ZNF679: variants seen among roughly 807,000 people sequenced by gnomAD.
ZNF679 encodes the protein hypothetical protein MGC42415.
ZNF679 carries 10 observed loss-of-function variants against 13.4 expected under a neutral mutation model. The ratio of observed to expected loss-of-function variants is 0.75; its 90% CI spans 0.46 to 1.27. The LOEUF (loss-of-function observed/expected upper bound fraction) is 1.27. ZNF679 is among the 50% of genes most tolerant of loss of function. The pLI is 0.00. For missense variants in ZNF679, 525 were observed against 477.8 expected (o/e 1.10, Z -0.92); for synonymous variants, 179 against 162.5 (o/e 1.10, Z -0.77).
intron 1 of ZNF679, among the ~76,000 whole-genome samples, chr7:64,233,271 A>G (rs1787664871): frequency 6.6e-6 from 1 of 151,596 alleles, no homozygotes; most frequent in African/African-American, 2.4e-5. Context: ...AAAAAAAAGA[A>G]AGAAAGAAAT....
At chr7:64,239,115 G>T (rs1168456737) in intron 1 of ZNF679, among the ~76,000 whole-genome samples, 1 of 152,146 alleles carries the variant, frequency 6.6e-6, no homozygotes, top group Admixed American at 6.5e-5. Flanking sequence ...AGTAGTAATT[G>T]TCACATGCCC....
At chr7:64,230,090 A>C (rs1244779960) in intron 1 of ZNF679, among the ~76,000 whole-genome samples, 2 of 152,176 alleles carry the variant, frequency 1.3e-5, no homozygotes, top group African/African-American at 2.4e-5. Flanking sequence ...TACTGGAAGC[A>C]GGACCCAGGC....
At chr7:64,237,455 A>C (rs991946361) in intron 1 of ZNF679, among the ~76,000 whole-genome samples, 14 of 152,308 alleles carry the variant, frequency 9.2e-5, no homozygotes, top group African/African-American at 3.4e-4. Flanking sequence ...CGGATGAGAC[A>C]TGGAATCACA....
chr7:64,236,308 T>C (rs1052274128), intron 1 of ZNF679, among the ~76,000 whole-genome samples: 9 of 152,068 alleles, frequency 5.9e-5, no homozygotes, highest in African/African-American at 1.4e-4. Flanking sequence ...GTTGAATGAT[T>C]GTCTTATTTT....
At chr7:64,249,001 G>A (rs958866985) in intron 1 of ZNF679, 27 bp from the exon 2 acceptor site, 3 of 1,472,914 alleles carry the variant, frequency 2.0e-6, no homozygotes, top group South Asian at 1.2e-5. Context: ...GTAATTTTCC[G>A]GGTCCTTTGT....
At chr7:64,249,251 G>T in intron 2 of ZNF679, 95 bp downstream of exon 2, 1 of 1,604,716 alleles carries the variant, frequency 6.2e-7, no homozygotes, top group Non-Finnish European at 8.5e-7. Flanking sequence ...CTCGCAGTCA[G>T]CTCCGGAGTC....
intron 1 of ZNF679, among the ~76,000 whole-genome samples, chr7:64,242,396 C>A (rs553487851): frequency 6.6e-6 from 1 of 152,310 alleles, no homozygotes; most frequent in East Asian, 1.9e-4. Context: ...CTTGCCCAGG[C>A]TTTTGTTACA....
chr7:64,246,401 C>T lies in ZNF679; in HGVS notation c.-90-2627C>T, dbSNP rs756041135. Among the ~76,000 whole-genome samples, 6 of 152,036 alleles carry T rather than the reference C, an allele frequency of 3.9e-5. No homozygotes were observed. The East Asian group carries it at 5.8e-4, about 15-fold the overall frequency. ...TCCAGAAATGGTCCCAATCCAGAAC[C>T]GAAGAGTGGGTTCTTGGATCTCGTA... On this transcript the variant is annotated intron_variant, in intron 1 of 4. Transcript: ENST00000421025.
At chr7:64,263,736 AT>A (rs1788107774) in intron 4 of ZNF679, among the ~76,000 whole-genome samples, 1 of 152,100 alleles carries the variant, frequency 6.6e-6, no homozygotes, top group African/African-American at 2.4e-5. Context: ...TTCCACTATA[AT>A]TGTAAGCTTC....
At chr7:64,258,729 T>C (rs1221030560) in intron 2 of ZNF679, among the ~76,000 whole-genome samples, 2 of 151,294 alleles carry the variant, frequency 1.3e-5, no homozygotes, top group African/African-American at 4.9e-5. Context: ...CAGTGTCCAC[T>C]CTGCCTTTGG....
chr7:64,253,951 T>C (rs1446120375), intron 2 of ZNF679, among the ~76,000 whole-genome samples: 1 of 152,154 alleles, frequency 6.6e-6, no homozygotes, highest in Non-Finnish European at 1.5e-5. Flanking sequence ...GAAAAGTATT[T>C]AGCAGATTCT....
At chr7:64,230,845 A>G (rs1584222096) in intron 1 of ZNF679, among the ~76,000 whole-genome samples, 1 of 152,206 alleles carries the variant, frequency 6.6e-6, no homozygotes, top group East Asian at 1.9e-4. Flanking sequence ...ACCCCTGCAG[A>G]CCTTTTCCTG....
chr7:64,266,551 C>T lies in ZNF679; in HGVS notation c.918C>T (p.Ser306=). Residue 306 remains serine, a synonymous_variant, in exon 5 of 5, where the codon AGC becomes AGT. Coordinates refer to ENST00000421025, the MANE Select transcript of ZNF679 (RefSeq NM_153363.3). ...GTGAAGAATGTGGCAAAGCCTTTAG[C>T]TTATCCTCATCCCTCACTTACCACA... ...YTCEECGKAF[S]LSSSLTYHKR... 1 of 1,612,482 alleles carries T rather than the reference C, an allele frequency of 6.2e-7. No individual in the cohort carries two copies. Among genetic ancestry groups the T allele is most frequent in the Non-Finnish European group, 8.5e-7 (1 of 1,178,762 alleles).
At chr7:64,235,079 A>C (rs1013208565) in intron 1 of ZNF679, among the ~76,000 whole-genome samples, 4 of 152,106 alleles carry the variant, frequency 2.6e-5, no homozygotes, top group African/African-American at 7.2e-5. Flanking sequence ...CTCAGGTGAT[A>C]CACCTGCTTC....
intron 1 of ZNF679, among the ~76,000 whole-genome samples, chr7:64,244,155 C>T (rs1444733394): frequency 6.6e-6 from 1 of 151,996 alleles, no homozygotes; most frequent in African/African-American, 2.4e-5. Context: ...GAGGCTGAGG[C>T]AGGAAAATTG....
intron 1 of ZNF679, among the ~76,000 whole-genome samples, chr7:64,244,120 G>C (rs949137677): frequency 6.6e-6 from 1 of 152,012 alleles, no homozygotes; most frequent in Admixed American, 6.6e-5. Context: ...TGTGGTGATG[G>C]GCATGTGCAA....
At chr7:64,236,092 C>G (rs970238265) in intron 1 of ZNF679, among the ~76,000 whole-genome samples, 2 of 151,882 alleles carry the variant, frequency 1.3e-5, no homozygotes, top group African/African-American at 2.4e-5. Context: ...TGGTGAAACC[C>G]TGTCTCTACT....
At chr7:64,249,445 G>A (rs1787914500) in intron 2 of ZNF679, among the ~76,000 whole-genome samples, 1 of 152,218 alleles carries the variant, frequency 6.6e-6, no homozygotes, top group Non-Finnish European at 1.5e-5. Context: ...ATTGTACAGG[G>A]ATGGGAAAGT....
chr7:64,256,888 G>C (rs1221005472), intron 2 of ZNF679, among the ~76,000 whole-genome samples: 8 of 151,890 alleles, frequency 5.3e-5, no homozygotes, highest in Non-Finnish European at 1.2e-4. Context: ...ACTAGAGACG[G>C]GATTTCACCA....
Sources: allele counts gnomAD v4.1 joint callset (sites outside exome capture counted in the v4.1 genomes callset), GRCh38; gene constraint gnomAD v4.1.1; transcripts MANE v1.5; gene names NCBI Gene and HGNC (gene_info 2026-07-23, HGNC 2026-07-21).